ATP8A1: variants seen among roughly 807,000 people sequenced by gnomAD.
ATP8A1 encodes phospholipid-transporting ATPase IA.
Under a neutral mutation model 177.7 loss-of-function variants are expected in ATP8A1, and 90 were observed. The ratio of observed to expected loss-of-function variants is 0.51; its 90% CI spans 0.43 to 0.60. The LOEUF is 0.60. Among genes scored for constraint, ATP8A1 ranks in the 20% least tolerant of loss-of-function variants. The pLI is 0.00. For missense variants in ATP8A1, 1,072 were observed against 1,392.8 expected, an observed-to-expected ratio of 0.77 and a Z score of 3.67; for synonymous variants, 493 against 485.9, an observed-to-expected ratio of 1.01 and a Z score of -0.19.
intron 1 of ATP8A1, among the ~76,000 whole-genome samples, chr4:42,638,939 T>C (rs140987708): frequency 2.0e-5 from 3 of 152,298 alleles, no homozygotes; most frequent in East Asian, 3.9e-4. Flanking sequence ...AGTGGTAAAG[T>C]AGTAATGATA....
rs1054297142 is a variant in ATP8A1, at chr4:42,412,660, A to G, written c.*256T>C. ...CCGTTTAAGAAAGCCCTCTGGCAAG[A>G]TACCAGGTCATTTTCAATTTCCGTT... On this transcript the variant is annotated 3_prime_UTR_variant, in exon 37 of 37. Transcript: ENST00000381668. The G allele has an allele frequency of 6.8e-5, 24 of 353,046 alleles. No homozygotes were observed. The highest frequency in any genetic ancestry group is 2.2e-4 in the Admixed American group (5 of 22,540). 21.9% of individuals were successfully genotyped at this position (353,046 alleles called of 1,614,324 possible).
At chr4:42,495,640 A>G (rs1723202885) in intron 24 of ATP8A1, among the ~76,000 whole-genome samples, 1 of 151,280 alleles carries the variant, frequency 6.6e-6, no homozygotes, top group Non-Finnish European at 1.5e-5. Context: ...GTAGTTTTTG[A>G]TCAAAAAGCT....
At chr4:42,548,273 G>A (rs922990285) in intron 19 of ATP8A1, among the ~76,000 whole-genome samples, 14 of 152,062 alleles carry the variant, frequency 9.2e-5, no homozygotes, top group African/African-American at 3.4e-4. Context: ...TCCTGATCCC[G>A]ACTCATCTCC....
intron 1 of ATP8A1, among the ~76,000 whole-genome samples, chr4:42,642,146 A>T (rs1740057249): frequency 6.6e-6 from 1 of 152,246 alleles, no homozygotes; most frequent in Non-Finnish European, 1.5e-5. Flanking sequence ...ACAGAAACAG[A>T]CATTACCCAG....
At chr4:42,577,565 T>C (rs1436393440) in intron 12 of ATP8A1, among the ~76,000 whole-genome samples, 2 of 152,284 alleles carry the variant, frequency 1.3e-5, no homozygotes, top group Non-Finnish European at 1.5e-5. Context: ...TTAAATTTTC[T>C]GGCAGATTAG....
At chr4:42,555,232 T>G (rs1291680088) in intron 16 of ATP8A1, among the ~76,000 whole-genome samples, 1 of 150,930 alleles carries the variant, frequency 6.6e-6, no homozygotes, top group African/African-American at 2.4e-5. Flanking sequence ...AGAACCCTAA[T>G]ACAGTCAGTA....
intron 6 of ATP8A1, among the ~76,000 whole-genome samples, chr4:42,597,865 T>C (rs1377076232): frequency 2.0e-5 from 3 of 152,178 alleles, no homozygotes; most frequent in African/African-American, 7.2e-5. Context: ...ATTTATTGAA[T>C]AGGTAGCAAA....
chr4:42,420,838 T>G (rs919571223), intron 35 of ATP8A1, among the ~76,000 whole-genome samples: 1 of 151,166 alleles, frequency 6.6e-6, no homozygotes, highest in Non-Finnish European at 1.5e-5. Flanking sequence ...GCATGATCTC[T>G]GCTCACTGCA....
chr4:42,486,702 T>C (rs1214627573), intron 24 of ATP8A1, among the ~76,000 whole-genome samples: 1 of 152,208 alleles, frequency 6.6e-6, no homozygotes, highest in Non-Finnish European at 1.5e-5. Flanking sequence ...AGACTGAATA[T>C]CCCATGGTGG....
chr4:42,478,961 G>A (rs1013688713), intron 25 of ATP8A1, among the ~76,000 whole-genome samples: 1 of 152,188 alleles, frequency 6.6e-6, no homozygotes, highest in African/African-American at 2.4e-5. Context: ...ATGAGGAAAT[G>A]TTTCAATTTT....
rs534417418 is a variant in ATP8A1, at chr4:42,513,477, T to G, written c.1948-6323A>C. Among the ~76,000 whole-genome samples the G allele has an allele frequency of 1.2e-3, 180 of 152,320 alleles. 7 individuals carry two copies. In the South Asian group the frequency reaches 0.036, roughly 30 times the overall value. On this transcript the variant is annotated intron_variant, in intron 22 of 36. Coordinates refer to ENST00000381668, the MANE Select transcript of ATP8A1 (RefSeq NM_006095.2). Reference sequence around the variant, plus strand: ...TCCAACATGAGCTGACACTTGACTTTAAATACTAAACAATGAATTAAGGTT... The same window carrying G: ...TCCAACATGAGCTGACACTTGACTTGAAATACTAAACAATGAATTAAGGTT...
intron 15 of ATP8A1, among the ~76,000 whole-genome samples, chr4:42,559,237 G>A (rs2153214496): frequency 6.6e-6 from 1 of 152,200 alleles, no homozygotes; most frequent in East Asian, 1.9e-4. Context: ...AAAGCTAAAT[G>A]ACAAACTGGG....
Position 42,588,194 on chromosome 4 carries a change from AAAG to A in ATP8A1, c.594+63_594+65del, listed in dbSNP as rs1733820075. ...ATTAGTTCAAGACAATAACACAAAGAAAGAAGCTCTTAATTCCATGTAATAAAA... is the reference window on the plus strand; with the variant it reads ...ATTAGTTCAAGACAATAACACAAAGAAAGCTCTTAATTCCATGTAATAAAA... On this transcript the variant is annotated intron_variant, in intron 8 of 36. Coordinates refer to ENST00000381668, the MANE Select transcript of ATP8A1 (RefSeq NM_006095.2). 4 of 1,357,034 alleles carry A rather than the reference AAAG, an allele frequency of 2.9e-6. No individual in the cohort carries two copies. The East Asian group carries it at 9.3e-5, about 31-fold the overall frequency. 84.1% of individuals were successfully genotyped at this position (1,357,034 alleles called of 1,614,324 possible). A position where few individuals can be genotyped will look rare whatever the true frequency, so the allele number is the denominator to read the frequency against.
intron 25 of ATP8A1, among the ~76,000 whole-genome samples, chr4:42,476,370 T>C (rs1320855472): frequency 6.6e-6 from 1 of 152,064 alleles, no homozygotes; most frequent in Non-Finnish European, 1.5e-5. Flanking sequence ...CCCAGCACTT[T>C]GGGAGGCTGA....
chr4:42,466,590 C>G (rs1719791542), intron 25 of ATP8A1, among the ~76,000 whole-genome samples: 2 of 152,160 alleles, frequency 1.3e-5, no homozygotes, highest in Non-Finnish European at 2.9e-5. Flanking sequence ...AGTGCCTGAT[C>G]CAAAATAGAT....
intron 25 of ATP8A1, among the ~76,000 whole-genome samples, chr4:42,482,987 T>C (rs1045823032): frequency 2.0e-5 from 3 of 152,240 alleles, no homozygotes; most frequent in Admixed American, 6.5e-5. Flanking sequence ...CTGGAGCGTC[T>C]ATCTTCTAAT....
chr4:42,495,502 C>T (rs755370060), intron 24 of ATP8A1, among the ~76,000 whole-genome samples: 11 of 152,178 alleles, frequency 7.2e-5, no homozygotes, highest in Non-Finnish European at 1.0e-4. Context: ...GTACAACTGG[C>T]CCATTTAGTA....
rs1430110172 is a variant in ATP8A1 at position 42,422,135 on chromosome 4, A to C, written c.3305+672T>G. ...GATGGAGTCTCGCGCTCTGTTGCCC[A>C]GGCTGGAGTGCAGTGGCTTGATTTC... On this transcript the variant is annotated intron_variant, in intron 35 of 36. Transcript: ENST00000381668. Among the ~76,000 whole-genome samples the C allele has an allele frequency of 7.2e-5, 11 of 152,156 alleles. No homozygotes were observed. The East Asian group carries it at 1.9e-3, about 27-fold the overall frequency.
At chr4:42,560,942 TTC>T (rs1730755056) in intron 15 of ATP8A1, among the ~76,000 whole-genome samples, 1 of 152,164 alleles carries the variant, frequency 6.6e-6, no homozygotes, top group Non-Finnish European at 1.5e-5. Context: ...AAAATTCAGG[TTC>T]TGAGTTCTCA....
Sources: gnomAD v4.1 joint callset for allele counts (sites outside exome capture counted in the v4.1 genomes callset) on GRCh38, gnomAD v4.1.1 for gene constraint, MANE v1.5 for transcripts, NCBI Gene and HGNC (gene_info 2026-07-23, HGNC 2026-07-21) for gene names.